Variants in H4C7 observed in about 807,000 individuals in gnomAD.
H4C7 encodes the protein histone H4-like protein type G.
In H4C7, 7 loss-of-function variants were observed where a neutral mutation model predicts 5.2. The ratio of observed to expected loss-of-function variants is 1.34; its 90% confidence interval spans 0.76 to 2.52. The LOEUF (loss-of-function observed/expected upper bound fraction) is 2.52. Ranked by LOEUF, H4C7 falls within the 30% of genes most tolerant of loss-of-function variation. The probability of loss-of-function intolerance (pLI) is 0.00; values close to 1 mark genes in which losing one functional copy is unlikely to be tolerated. For missense variants in H4C7, 148 were observed against 138.4 expected (o/e 1.07, Z -0.35); for synonymous variants, 69 against 57.5 (o/e 1.20, Z -0.90).
At position 26,246,869 on chromosome 6, in the gene H4C7, G is replaced by A. The variant is rs1172093871; in HGVS notation, c.109C>T (p.Arg37Cys). 1.2e-6 allele frequency: 2 copies of A among 1,614,042 alleles called. No individual in the cohort carries two copies. The highest frequency in any genetic ancestry group is 8.5e-7 in the Non-Finnish European group (1 of 1,180,040). The change falls in exon 1 of 1, where the codon CGC (arginine) becomes TGC (cysteine). Residue 37 changes from arginine (R) to cysteine (C), a missense_variant. Arg to Cys is a radical substitution (Grantham distance 180). Coordinates refer to ENST00000611444, the MANE Select transcript of H4C7 (RefSeq NM_003547.3). ...TTGACACCGCCATGCCGGGCCAAGC[G>A]CCGGATAGTGCACTTGGTAATGCCC... ...IQGITKCTIR[R>C]LARHGGVKRI...
Position 26,246,757 on chromosome 6 carries a change from G to A in H4C7, c.221C>T (p.Thr74Met), listed in dbSNP as rs778903484. 1.2e-6 allele frequency: 2 copies of A among 1,614,002 alleles called. No homozygotes were observed. The highest frequency in any genetic ancestry group is 3.3e-5 in the Admixed American group (2 of 60,024). Reference sequence around the variant, plus strand: ...GACCGTCTTGCGCTTGGCGTGCTCCGTGTTGGTCACGGCGTACCAGATCAC... The same window carrying A: ...GACCGTCTTGCGCTTGGCGTGCTCCATGTTGGTCACGGCGTACCAGATCAC... The part of the protein sequence containing the change: ...ENVIWYAVTN[T>M]EHAKRKTVTA... The change falls in exon 1 of 1, where the codon ACG becomes ATG. Residue 74 changes from threonine (T) to methionine (M), a missense_variant. Physicochemically the swap from Thr to Met is moderately conservative, Grantham distance 81. Transcript: ENST00000611444.
In H4C7 at chr6:26,246,853, C is replaced by T; in HGVS notation, c.125G>A (p.Gly42Asp). The change falls in exon 1 of 1, where the codon GGC (glycine) becomes GAC (aspartate). Residue 42 changes from glycine to aspartate, a missense_variant. Physicochemically the swap from Gly to Asp is moderately conservative, Grantham distance 94. Coordinates refer to ENST00000611444, the MANE Select transcript of H4C7 (RefSeq NM_003547.3). ...GAGGCCCAAGATGCGCTTGACACCG[C>T]CATGCCGGGCCAAGCGCCGGATAGT... is the stretch of plus-strand genomic sequence containing the variant. ...KCTIRRLARH[G>D]GVKRILGLIY... is the part of the protein sequence containing the mutation. The T allele has an allele frequency of 6.2e-7, 1 of 1,614,200 alleles. No homozygotes were observed. Among genetic ancestry groups the T allele is most frequent in the Non-Finnish European group, 8.5e-7 (1 of 1,180,026 alleles).
At position 26,246,830 on chromosome 6, in the gene H4C7, G is replaced by T. The variant is rs1759968712; in HGVS notation, c.148C>A (p.Leu50Ile). The T allele has an allele frequency of 6.2e-7, 1 of 1,614,154 alleles. No homozygotes were observed. Among genetic ancestry groups the T allele is most frequent in the Admixed American group, 1.7e-5 (1 of 60,026 alleles). Residue 50 changes from leucine to isoleucine, a missense_variant, in exon 1 of 1, where the codon CTC becomes ATC. Transcript: ENST00000611444. ...RHGGVKRILG[L>I]IYEETRRVFK... ...ACCCGGCGGGTCTCCTCATAAATGA[G>T]GCCCAAGATGCGCTTGACACCGCCA... is the stretch of plus-strand genomic sequence containing the variant.
Position 26,246,969 on chromosome 6 carries a change from A to C in H4C7, c.9T>G (p.Val3=). 1 of 1,591,296 alleles carries C rather than the reference A, an allele frequency of 6.3e-7. No homozygotes were observed. Among genetic ancestry groups the C allele is most frequent in the African/African-American group, 1.3e-5 (1 of 74,354 alleles). MS[V]RGKAGKGLGK... ...CAAGGCCTTTTCCGGCCTTGCCCCG[A>C]ACAGACATGATAAACAAGTCAGAAC... The change falls in exon 1 of 1, where the codon GTT becomes GTG. Residue 3 remains valine, a synonymous_variant. Transcript: ENST00000611444.
Position 26,246,973 on chromosome 6 carries a change from G to C in H4C7, c.5C>G (p.Ser2Cys). ...GCCTTTTCCGGCCTTGCCCCGAACA[G>C]ACATGATAAACAAGTCAGAACTATC... MSVRGKAGKGLG... is the reference protein window; with the variant it reads MCVRGKAGKGLG... Residue 2 changes from serine (S) to cysteine (C), a missense_variant, in exon 1 of 1, where the codon TCT becomes TGT. Ser to Cys is a moderately radical substitution (Grantham distance 112, BLOSUM62 -1). Coordinates refer to ENST00000611444, the MANE Select transcript of H4C7 (RefSeq NM_003547.3). 6.3e-7 allele frequency: 1 copy of C among 1,587,042 alleles called. No individual in the cohort carries two copies.
Position 26,246,778 on chromosome 6 carries a change from A to C in H4C7, c.200T>G (p.Ile67Ser), listed in dbSNP as rs1303059976. 6.2e-7 allele frequency: 1 copy of C among 1,614,152 alleles called. No individual in the cohort carries two copies. Among genetic ancestry groups the C allele is most frequent in the Non-Finnish European group, 8.5e-7 (1 of 1,180,002 alleles). The change falls in exon 1 of 1, where the codon ATC (isoleucine) becomes AGC (serine). Residue 67 changes from isoleucine (I) to serine (S), a missense_variant. Coordinates refer to ENST00000611444, the MANE Select transcript of H4C7 (RefSeq NM_003547.3). ...CTCCGTGTTGGTCACGGCGTACCAG[A>C]TCACATTTTCCAGGAACACCTTGAA... ...RVFKVFLENV[I>S]WYAVTNTEHA...
At position 26,246,729 on chromosome 6, in the gene H4C7, G is replaced by T. The variant is rs200164073; in HGVS notation, c.249C>A (p.Thr83=). 2 of 1,610,062 alleles carry T rather than the reference G, an allele frequency of 1.2e-6. No homozygotes were observed. The highest frequency in any genetic ancestry group is 2.2e-5 in the East Asian group (1 of 44,728). Residue 83 remains threonine, a synonymous_variant, in exon 1 of 1, where the codon ACC becomes ACA. Transcript: ENST00000611444. The part of the protein sequence containing the change: ...NTEHAKRKTV[T]AMAVVYVLKR... Reference sequence around the variant, plus strand: ...TGAGCACGTAGACCACGGCCATGGCGGTGACCGTCTTGCGCTTGGCGTGCT... The same window carrying T: ...TGAGCACGTAGACCACGGCCATGGCTGTGACCGTCTTGCGCTTGGCGTGCT...
rs893338944 is a variant in H4C7, at chr6:26,246,920, G to T, written c.58C>A (p.Arg20Ser). 3 of 1,607,836 alleles carry T rather than the reference G, an allele frequency of 1.9e-6. No homozygotes were observed. Among genetic ancestry groups the T allele is most frequent in the Non-Finnish European group, 2.6e-6 (3 of 1,174,612 alleles). Residue 20 changes from arginine (R) to serine (S), a missense_variant, in exon 1 of 1, where the codon CGC (arginine) becomes AGC (serine). Arg to Ser is a moderately radical substitution (Grantham distance 110). Coordinates refer to ENST00000611444, the MANE Select transcript of H4C7 (RefSeq NM_003547.3). ...TGAATATTATCGCTCAGTACCTTGC[G>T]ATGGCACTTGGCACCGCCTTTCCCA... ...GLGKGGAKCH[R>S]KVLSDNIQGI... is the part of the protein sequence containing the mutation.
At position 26,246,637 on chromosome 6, in the gene H4C7, CG is replaced by C. The variant is rs745836882; in HGVS notation, c.*43del. ...ACGCGGCCCTGAAAAGGGCCATTAA[CG>C]ATATTGCAAGGAAAGGCCTGGCCTC... On this transcript the variant is annotated 3_prime_UTR_variant, in exon 1 of 1. Transcript: ENST00000611444. The C allele has an allele frequency of 2.6e-4, 400 of 1,519,828 alleles. No homozygotes were observed. Among genetic ancestry groups the C allele is most frequent in the Non-Finnish European group, 3.3e-4 (370 of 1,129,826 alleles). 94.1% of individuals were successfully genotyped at this position (1,519,828 alleles called of 1,614,324 possible). A position where few individuals can be genotyped will look rare whatever the true frequency, so the allele number is the denominator to read the frequency against.
In H4C7 at chr6:26,246,875, T is replaced by C; in HGVS notation, c.103A>G (p.Ile35Val). The change falls in exon 1 of 1, where the codon ATC becomes GTC. Residue 35 changes from isoleucine to valine, a missense_variant. Ile to Val is a conservative substitution (Grantham distance 29, BLOSUM62 3). Coordinates refer to ENST00000611444, the MANE Select transcript of H4C7 (RefSeq NM_003547.3). The stretch of plus-strand genomic sequence containing the variant: ...CCGCCATGCCGGGCCAAGCGCCGGA[T>C]AGTGCACTTGGTAATGCCCTGAATA... ...DNIQGITKCT[I>V]RRLARHGGVK... is the part of the protein sequence containing the mutation. 6.2e-7 allele frequency: 1 copy of C among 1,614,234 alleles called. No homozygotes were observed. Among genetic ancestry groups the C allele is most frequent in the Non-Finnish European group, 8.5e-7 (1 of 1,180,050 alleles).
In H4C7 at chr6:26,246,804, C is replaced by A; in HGVS notation, c.174G>T (p.Val58=). 2 of 1,614,208 alleles carry A rather than the reference C, an allele frequency of 1.2e-6. No individual in the cohort carries two copies. Among genetic ancestry groups the A allele is most frequent in the Non-Finnish European group, 1.7e-6 (2 of 1,180,034 alleles). The part of the protein sequence containing the change: ...LGLIYEETRR[V]FKVFLENVIW... ...TCACATTTTCCAGGAACACCTTGAA[C>A]ACCCGGCGGGTCTCCTCATAAATGA... Residue 58 remains valine (V), a synonymous_variant, in exon 1 of 1, where the codon GTG becomes GTT. Transcript: ENST00000611444.
At position 26,246,841 on chromosome 6, in the gene H4C7, C is replaced by G; in HGVS notation, c.137G>C (p.Arg46Pro). The G allele has an allele frequency of 6.2e-7, 1 of 1,614,178 alleles. No homozygotes were observed. Among genetic ancestry groups the G allele is most frequent in the Non-Finnish European group, 8.5e-7 (1 of 1,180,022 alleles). The change falls in exon 1 of 1, where the codon CGC (arginine) becomes CCC (proline). Residue 46 changes from arginine (R) to proline (P), a missense_variant. Coordinates refer to ENST00000611444, the MANE Select transcript of H4C7 (RefSeq NM_003547.3). ...RRLARHGGVKRILGLIYEETR... is the reference protein window; with the variant it reads ...RRLARHGGVKPILGLIYEETR... The stretch of plus-strand genomic sequence containing the variant: ...CTCCTCATAAATGAGGCCCAAGATG[C>G]GCTTGACACCGCCATGCCGGGCCAA...
rs1423728470 is a variant in H4C7, at chr6:26,246,703, T to C, written c.275A>G (p.Lys92Arg). 6.3e-6 allele frequency: 10 copies of C among 1,599,300 alleles called. No homozygotes were observed. Among genetic ancestry groups the C allele is most frequent in the African/African-American group, 5.4e-5 (4 of 74,670 alleles). Residue 92 changes from lysine (K) to arginine (R), a missense_variant, in exon 1 of 1, where the codon AAA becomes AGA. Transcript: ENST00000611444. ...VTAMAVVYVL[K>R]RQGRTL ...GCCTTACAGGGTTCTTCCCTGGCGTTTGAGCACGTAGACCACGGCCATGGC... is the reference window on the plus strand; with the variant it reads ...GCCTTACAGGGTTCTTCCCTGGCGTCTGAGCACGTAGACCACGGCCATGGC...
rs754933024 is a variant in H4C7 at position 26,246,747 on chromosome 6, G to T, written c.231C>A (p.Ala77=). The change falls in exon 1 of 1, where the codon GCC becomes GCA. Residue 77 remains alanine (A), a synonymous_variant. Transcript: ENST00000611444. The part of the protein sequence containing the change: ...IWYAVTNTEH[A]KRKTVTAMAV... ...CCATGGCGGTGACCGTCTTGCGCTT[G>T]GCGTGCTCCGTGTTGGTCACGGCGT... 1.2e-6 allele frequency: 2 copies of T among 1,613,514 alleles called. No homozygotes were observed. The highest frequency in any genetic ancestry group is 2.2e-5 in the South Asian group (2 of 91,078).
At position 26,246,894 on chromosome 6, in the gene H4C7, C is replaced by T; in HGVS notation, c.84G>A (p.Gln28=). 6.2e-7 allele frequency: 1 copy of T among 1,614,206 alleles called. No homozygotes were observed. The highest frequency in any genetic ancestry group is 1.3e-5 in the African/African-American group (1 of 75,052). Residue 28 remains glutamine, a synonymous_variant, in exon 1 of 1, where the codon CAG becomes CAA. Coordinates refer to ENST00000611444, the MANE Select transcript of H4C7 (RefSeq NM_003547.3). ...CHRKVLSDNI[Q]GITKCTIRRL... is the part of the protein sequence containing the mutation. ...GCCGGATAGTGCACTTGGTAATGCC[C>T]TGAATATTATCGCTCAGTACCTTGC...
In H4C7 at chr6:26,246,778, A is replaced by G; in HGVS notation, c.200T>C (p.Ile67Thr). 1 of 1,614,152 alleles carries G rather than the reference A, an allele frequency of 6.2e-7. No homozygotes were observed. Among genetic ancestry groups the G allele is most frequent in the Non-Finnish European group, 8.5e-7 (1 of 1,180,002 alleles). ...RVFKVFLENV[I>T]WYAVTNTEHA... ...CTCCGTGTTGGTCACGGCGTACCAG[A>G]TCACATTTTCCAGGAACACCTTGAA... is the stretch of plus-strand genomic sequence containing the variant. The change falls in exon 1 of 1, where the codon ATC (isoleucine) becomes ACC (threonine). Residue 67 changes from isoleucine to threonine, a missense_variant. Transcript: ENST00000611444.
chr6:26,246,879 G>T lies in H4C7; in HGVS notation c.99C>A (p.Cys33Ter), dbSNP rs1489757960. Reference protein sequence around the residue: ...LSDNIQGITKCTIRRLARHGG... With the variant: ...LSDNIQGITK ...CATGCCGGGCCAAGCGCCGGATAGT[G>T]CACTTGGTAATGCCCTGAATATTAT... is the stretch of plus-strand genomic sequence containing the variant. The change falls in exon 1 of 1, where the codon TGC becomes TGA. Residue 33 changes from cysteine (C) to a stop codon, truncating the protein, a stop_gained. Transcript: ENST00000611444. LOFTEE classifies it high-confidence loss of function. 3.1e-6 allele frequency: 5 copies of T among 1,614,102 alleles called. No homozygotes were observed. In the Admixed American group the frequency reaches 8.3e-5, roughly 27 times the overall value.
At position 26,246,915 on chromosome 6, in the gene H4C7, C is replaced by T. The variant is rs1444738905; in HGVS notation, c.63G>A (p.Lys21=). The T allele has an allele frequency of 6.2e-7, 1 of 1,608,760 alleles. No individual in the cohort carries two copies. Among genetic ancestry groups the T allele is most frequent in the East Asian group, 2.2e-5 (1 of 44,678 alleles). ...LGKGGAKCHR[K]VLSDNIQGIT... is the part of the protein sequence containing the mutation. ...TGCCCTGAATATTATCGCTCAGTAC[C>T]TTGCGATGGCACTTGGCACCGCCTT... Residue 21 remains lysine (K), a synonymous_variant, in exon 1 of 1, where the codon AAG becomes AAA. Transcript: ENST00000611444.
In H4C7 at chr6:26,246,851, C is replaced by A; in HGVS notation, c.127G>T (p.Gly43Cys). 1 of 1,614,176 alleles carries A rather than the reference C, an allele frequency of 6.2e-7. No homozygotes were observed. The highest frequency in any genetic ancestry group is 8.5e-7 in the Non-Finnish European group (1 of 1,180,024). ...CTIRRLARHGGVKRILGLIYE... is the reference protein window; with the variant it reads ...CTIRRLARHGCVKRILGLIYE... ...ATGAGGCCCAAGATGCGCTTGACAC[C>A]GCCATGCCGGGCCAAGCGCCGGATA... Residue 43 changes from glycine (G) to cysteine (C), a missense_variant, in exon 1 of 1, where the codon GGT becomes TGT. Gly to Cys is a radical substitution (Grantham distance 159, BLOSUM62 -3). Transcript: ENST00000611444.
Sources: gnomAD v4.1 joint callset for allele counts on GRCh38, gnomAD v4.1.1 for gene constraint, MANE v1.5 for transcripts, NCBI Gene and HGNC (gene_info 2026-07-23, HGNC 2026-07-21) for gene names.